The following PLCG2 variants were observed in gnomAD, a reference collection of about 807,000 sequenced individuals.
The protein encoded by PLCG2 is 1-phosphatidylinositol 4,5-bisphosphate phosphodiesterase gamma-2.
Under a neutral mutation model 175.6 loss-of-function variants are expected in PLCG2, and 69 were observed. That is an observed-to-expected ratio of 0.39 (90% CI 0.32 to 0.48). The LOEUF (loss-of-function observed/expected upper bound fraction) is 0.48. PLCG2 is among the 20% of genes least tolerant of loss of function. The pLI is 0.91. For synonymous variants in PLCG2, 827 were observed against 624.0 expected (o/e 1.33, Z -4.85); for missense variants, 1,798 against 1,650.9 (o/e 1.09, Z -1.54).
chr16:81,889,291 G>A lies in PLCG2; in HGVS notation c.867+18G>A, dbSNP rs535573847. ...TGGATGAGGTGAGTAGGCTGGGCTT[G>A]TTGTCGCTTGGGGGTGACTTTTTGA... On this transcript the variant is annotated intron_variant, in intron 10 of 32. Coordinates refer to ENST00000564138, the MANE Select transcript of PLCG2 (RefSeq NM_002661.5). 31 of 1,411,296 alleles carry A rather than the reference G, an allele frequency of 2.2e-5. No individual in the cohort carries two copies. Among genetic ancestry groups the A allele is most frequent in the Middle Eastern group, 3.5e-4 (2 of 5,702 alleles). 87.4% of individuals were successfully genotyped at this position (1,411,296 alleles called of 1,614,324 possible). A position where few individuals can be genotyped will look rare whatever the true frequency, so the allele number is the denominator to read the frequency against.
At chr16:81,805,552 A>G (rs960195154) in intron 2 of PLCG2, among the ~76,000 whole-genome samples, 2 of 151,238 alleles carry the variant, frequency 1.3e-5, no homozygotes, top group African/African-American at 2.4e-5. Context: ...AAAACCAAAA[A>G]CAAAAGCTCA....
chr16:81,943,768 A>G (rs1233937475), intron 30 of PLCG2, among the ~76,000 whole-genome samples: 1 of 152,222 alleles, frequency 6.6e-6, no homozygotes, highest in Non-Finnish European at 1.5e-5. Flanking sequence ...AACAAAAATC[A>G]CATTGTAGCG....
At chr16:81,931,883 T>C (rs1399394075) in intron 25 of PLCG2, among the ~76,000 whole-genome samples, 1 of 152,168 alleles carries the variant, frequency 6.6e-6, no homozygotes, top group East Asian at 1.9e-4. Flanking sequence ...GTTCGAACCT[T>C]CAGAAGGCTG....
At chr16:81,853,279 T>G (rs1249818973) in intron 2 of PLCG2, among the ~76,000 whole-genome samples, 1 of 151,338 alleles carries the variant, frequency 6.6e-6, no homozygotes, top group African/African-American at 2.4e-5. Flanking sequence ...TGCAGTGAGC[T>G]GAGATCATGC....
chr16:81,930,806 T>A (rs947795630), intron 24 of PLCG2, among the ~76,000 whole-genome samples: 3 of 151,928 alleles, frequency 2.0e-5, no homozygotes, highest in African/African-American at 7.3e-5. Context: ...AGATTATATG[T>A]AACAACATAG....
Position 81,960,894 on chromosome 16 carries a change from ATTC to A in PLCG2, c.*2901_*2903del, listed in dbSNP as rs1384261758. ...GTTCAGAGCCTCATCTTCCTGTTAT[ATTC>A]TTCTCTAAGATTCATCTGCCTGAGA... On this transcript the variant is annotated 3_prime_UTR_variant, in exon 33 of 33. Coordinates refer to ENST00000564138, the MANE Select transcript of PLCG2 (RefSeq NM_002661.5). The A allele has an allele frequency of 8.7e-6, 2 of 229,256 alleles. No individual in the cohort carries two copies. The highest frequency in any genetic ancestry group is 4.4e-5 in the African/African-American group (2 of 45,124). 14.2% of individuals were successfully genotyped at this position (229,256 alleles called of 1,614,324 possible). A position where few individuals can be genotyped will look rare whatever the true frequency, so the allele number is the denominator to read the frequency against.
chr16:81,797,806 C>T (rs867305491), intron 2 of PLCG2, among the ~76,000 whole-genome samples: 25 of 151,870 alleles, frequency 1.6e-4, no homozygotes, highest in Admixed American at 1.6e-3. Flanking sequence ...TCTACTTGGC[C>T]TCTTTGAGTC....
At chr16:81,779,146 G>A (rs1162970992), upstream of PLCG2, 1 of 152,186 alleles carries the variant, frequency 6.6e-6, no homozygotes, top group African/African-American at 2.4e-5. Flanking sequence ...TCCATGGCGG[G>A]GAGGGCGCGG....
intron 15 of PLCG2, among the ~76,000 whole-genome samples, chr16:81,905,883 C>T (rs1331257834): frequency 6.6e-6 from 1 of 152,182 alleles, no homozygotes; most frequent in Non-Finnish European, 1.5e-5. Context: ...TGATTTCAAA[C>T]TCCTGGGCTC....
chr16:81,943,710 T>G (rs945935402), intron 30 of PLCG2, among the ~76,000 whole-genome samples: 3 of 152,258 alleles, frequency 2.0e-5, no homozygotes, highest in Admixed American at 2.0e-4. Flanking sequence ...ATCACTGGGC[T>G]AGTCTGCAAG....
chr16:81,900,532 A>G, intron 13 of PLCG2, 80 bp from the exon 14 acceptor site: 1 of 1,304,144 alleles, frequency 7.7e-7, no homozygotes, highest in Non-Finnish European at 1.0e-6. Flanking sequence ...CGTCCCAGGG[A>G]GCTGCCCTGG....
Position 81,931,804 on chromosome 16 carries a change from T to C in PLCG2, c.2739+150T>C, listed in dbSNP as rs145398318. The stretch of plus-strand genomic sequence containing the variant: ...AGGAGACCAGGTGGATTCAGACAAT[T>C]GGAGCACCTCTTGTTAGAGAGAGGC... On this transcript the variant is annotated intron_variant, in intron 25 of 32. Transcript: ENST00000564138. The C allele has an allele frequency of 2.1e-4, 140 of 676,268 alleles. 1 individual carries two copies. In the East Asian group the frequency reaches 3.1e-3, roughly 15 times the overall value. The allele number at this position is 676,268 out of a possible 1,614,324, so 41.9% of individuals were successfully genotyped here.
At chr16:81,784,001 A>G (rs8052218) in intron 1 of PLCG2, among the ~76,000 whole-genome samples, 65,968 of 151,894 alleles carry the variant, frequency 0.43, 14,560 homozygotes, top group South Asian at 0.63. Flanking sequence ...TAAATTTAGG[A>G]TTCCTTCTTG....
chr16:81,915,066 C>A (rs1330768818), intron 19 of PLCG2, among the ~76,000 whole-genome samples: 1 of 152,220 alleles, frequency 6.6e-6, no homozygotes, highest in Non-Finnish European at 1.5e-5. Flanking sequence ...GGTGAAGCGT[C>A]ACTGTCCTTC....
intron 1 of PLCG2, among the ~76,000 whole-genome samples, chr16:81,745,063 A>G (rs1054789890): frequency 5.9e-5 from 9 of 152,228 alleles, no homozygotes; most frequent in Non-Finnish European, 1.2e-4. Context: ...AACATTCAGC[A>G]AAGAATATAA....
chr16:81,750,296 C>G (rs964889243), intron 1 of PLCG2, among the ~76,000 whole-genome samples: 1 of 151,684 alleles, frequency 6.6e-6, no homozygotes, highest in Non-Finnish European at 1.5e-5. Flanking sequence ...GGCGGGCATC[C>G]GTAATCCTAG....
intron 1 of PLCG2, among the ~76,000 whole-genome samples, chr16:81,745,561 C>T (rs540392351): frequency 6.6e-6 from 1 of 152,294 alleles, no homozygotes; most frequent in South Asian, 2.1e-4. Context: ...TGGATGTCAA[C>T]CCCAAGTCTG....
chr16:81,922,616 G>T (rs1429333911), intron 21 of PLCG2, among the ~76,000 whole-genome samples: 1 of 152,162 alleles, frequency 6.6e-6, no homozygotes, highest in Non-Finnish European at 1.5e-5. Flanking sequence ...TTATTCAAGG[G>T]CAGAGCAATG....
At chr16:81,807,359 T>G (rs1904286013) in intron 2 of PLCG2, among the ~76,000 whole-genome samples, 1 of 152,180 alleles carries the variant, frequency 6.6e-6, no homozygotes, top group South Asian at 2.1e-4. Flanking sequence ...GATGGGCTTC[T>G]CAGATCCTGG....
Sources: gnomAD v4.1 joint callset for allele counts (sites outside exome capture counted in the v4.1 genomes callset) on GRCh38, gnomAD v4.1.1 for gene constraint, MANE v1.5 for transcripts, NCBI Gene and HGNC (gene_info 2026-07-23, HGNC 2026-07-21) for gene names.